SLC29A3: variants seen among roughly 807,000 people sequenced by gnomAD.
The protein encoded by SLC29A3 is equilibrative nucleoside transporter 3.
In SLC29A3, 18 loss-of-function variants were observed where a neutral mutation model predicts 25.4. The ratio of observed to expected loss-of-function variants is 0.71; its 90% CI spans 0.49 to 1.05. The LOEUF (loss-of-function observed/expected upper bound fraction) is 1.05, where lower values mean the gene tolerates loss of function less well. SLC29A3 is among the 50% of genes least tolerant of loss of function. The pLI, the probability that SLC29A3 is intolerant of heterozygous loss-of-function variation, is 0.00. For synonymous variants in SLC29A3, 258 were observed against 267.1 expected, an observed-to-expected ratio of 0.97 and a Z score of 0.33; for missense variants, 586 against 609.0, an observed-to-expected ratio of 0.96 and a Z score of 0.40.
chr10:71,339,904 C>T (rs535647478), intron 2 of SLC29A3, among the ~76,000 whole-genome samples: 4 of 152,232 alleles, frequency 2.6e-5, no homozygotes, highest in African/African-American at 4.8e-5. Flanking sequence ...TCCAGGCTTG[C>T]GTCCACCTCC....
intron 5 of SLC29A3, among the ~76,000 whole-genome samples, chr10:71,359,233 T>C (rs1415595756): frequency 6.6e-6 from 1 of 152,166 alleles, no homozygotes; most frequent in Non-Finnish European, 1.5e-5. Flanking sequence ...GTTTCTTTGC[T>C]GATTAAAACT....
At chr10:71,341,274 C>A (rs747474105) in intron 2 of SLC29A3, among the ~76,000 whole-genome samples, 1 of 152,178 alleles carries the variant, frequency 6.6e-6, no homozygotes, top group Non-Finnish European at 1.5e-5. Context: ...ACCATGGGAC[C>A]AATGGCTGTG....
chr10:71,343,574 C>T (rs1400528336), intron 2 of SLC29A3, among the ~76,000 whole-genome samples: 2 of 152,308 alleles, frequency 1.3e-5, no homozygotes, highest in South Asian at 2.1e-4. Context: ...AGAGTGAGAA[C>T]AGAGTTTCCC....
intron 2 of SLC29A3, among the ~76,000 whole-genome samples, chr10:71,339,380 G>A (rs73280021): frequency 0.037 from 5,610 of 152,284 alleles, 347 homozygotes; most frequent in African/African-American, 0.13. Flanking sequence ...TCATTGCAGG[G>A]TGCAGATAAC....
At chr10:71,331,097 C>G (rs1846107510) in intron 2 of SLC29A3, among the ~76,000 whole-genome samples, 1 of 152,024 alleles carries the variant, frequency 6.6e-6, no homozygotes, top group Non-Finnish European at 1.5e-5. Context: ...ATATTTGTGT[C>G]TATAATGCAA....
intron 2 of SLC29A3, among the ~76,000 whole-genome samples, chr10:71,337,422 T>C (rs562637442): frequency 6.6e-6 from 1 of 152,370 alleles, no homozygotes; most frequent in Non-Finnish European, 1.5e-5. Context: ...CAAACTATTC[T>C]TGGCTCCAAC....
intron 3 of SLC29A3, among the ~76,000 whole-genome samples, chr10:71,344,941 G>A (rs904318394): frequency 2.6e-5 from 4 of 152,358 alleles, no homozygotes; most frequent in African/African-American, 9.6e-5. Flanking sequence ...AACCTGGGCT[G>A]CTGTTCGCCA....
intron 1 of SLC29A3, among the ~76,000 whole-genome samples, chr10:71,322,331 G>A (rs1396215681): frequency 1.3e-5 from 2 of 152,142 alleles, no homozygotes; most frequent in Non-Finnish European, 2.9e-5. Context: ...AATCGAAAAG[G>A]GTTTAGAGAT....
chr10:71,330,023 T>C lies in SLC29A3; in HGVS notation c.300+6969T>C, dbSNP rs77879151. On this transcript the variant is annotated intron_variant, in intron 2 of 5. Coordinates refer to ENST00000373189, the MANE Select transcript of SLC29A3 (RefSeq NM_018344.6). ...TTCCTCATGGGACTCCCTACAAATG[T>C]AGGTGGTTGGAGGGTTCGGTGCTTG... 9.5e-3 allele frequency among the ~76,000 whole-genome samples: 1,453 copies of C among 152,258 alleles called. 8 individuals carry two copies. Among genetic ancestry groups the C allele is most frequent in the Middle Eastern group, 0.068 (20 of 294 alleles).
In SLC29A3 at chr10:71,342,158, A is replaced by T. The variant is rs78956996; in HGVS notation, c.301-2051A>T. Among the ~76,000 whole-genome samples, 534 of 152,302 alleles carry T rather than the reference A, an allele frequency of 3.5e-3. 2 individuals carry two copies. Among genetic ancestry groups the T allele is most frequent in the Non-Finnish European group, 6.1e-3 (418 of 68,028 alleles). The stretch of plus-strand genomic sequence containing the variant: ...ACGGGCCACCTTAGAGTCTGCCACC[A>T]CACCTCATTTTAGAACTTTTCCTAT... On this transcript the variant is annotated intron_variant, in intron 2 of 5. Transcript: ENST00000373189.
intron 2 of SLC29A3, among the ~76,000 whole-genome samples, chr10:71,326,999 C>T (rs1845987466): frequency 1.3e-5 from 2 of 152,208 alleles, no homozygotes; most frequent in Admixed American, 6.5e-5. Flanking sequence ...CCTGATTTCC[C>T]TGTGAGAGGC....
Position 71,322,823 on chromosome 10 carries a change from T to C in SLC29A3, c.69T>C (p.Ser23=). ...SNSTYRTTSS[S]LRADQEALLE... The stretch of plus-strand genomic sequence containing the variant: ...CCACCTACAGAACCACAAGCAGCAG[T>C]CTCCGAGCTGACCAGGAGGCACTGC... The change falls in exon 2 of 6, where the codon AGT becomes AGC. Residue 23 remains serine (S), a synonymous_variant. Transcript: ENST00000373189. The C allele has an allele frequency of 6.2e-7, 1 of 1,614,178 alleles. No individual in the cohort carries two copies. The highest frequency in any genetic ancestry group is 2.2e-5 in the East Asian group (1 of 44,880).
downstream of SLC29A3, among the ~76,000 whole-genome samples, chr10:71,363,995 G>C (rs146452764): frequency 1.9e-4 from 29 of 151,982 alleles, no homozygotes; most frequent in African/African-American, 6.3e-4. Flanking sequence ...GTGGGGAGGG[G>C]AGGGAGTCCT....
In SLC29A3 at chr10:71,361,983, A is replaced by C; in HGVS notation, c.803A>C (p.His268Pro). 6.2e-7 allele frequency: 1 copy of C among 1,613,996 alleles called. No individual in the cohort carries two copies. The highest frequency in any genetic ancestry group is 8.5e-7 in the Non-Finnish European group (1 of 1,180,002). ...RYYMRPVLAA[H>P]VFSGEEELPQ... ...TACATGAGGCCTGTTCTTGCGGCCCATGTGTTTTCTGGTGAAGAGGAGCTT... is the reference window on the plus strand; with the variant it reads ...TACATGAGGCCTGTTCTTGCGGCCCCTGTGTTTTCTGGTGAAGAGGAGCTT... The change falls in exon 6 of 6, where the codon CAT becomes CCT. Residue 268 changes from histidine (H) to proline (P), a missense_variant. Coordinates refer to ENST00000373189, the MANE Select transcript of SLC29A3 (RefSeq NM_018344.6).
At chr10:71,379,589 T>A (rs112515617) in intron 4 of SLC29A3, among the ~76,000 whole-genome samples, 3,150 of 152,336 alleles carry the variant, frequency 0.021, 56 homozygotes, top group African/African-American at 0.043. Flanking sequence ...ATAGGCTCTT[T>A]GTTCTTCTCT....
chr10:71,355,671 G>A (rs1477906643), intron 4 of SLC29A3, among the ~76,000 whole-genome samples: 1 of 152,166 alleles, frequency 6.6e-6, no homozygotes, highest in Admixed American at 6.5e-5. Context: ...TGGGCCGGGG[G>A]CAGAGAAGAG....
rs1847087040 is a variant in SLC29A3 at position 71,362,396 on chromosome 10, A to G, written c.1216A>G (p.Thr406Ala). Residue 406 changes from threonine to alanine, a missense_variant, in exon 6 of 6, where the codon ACT becomes GCT. Thr to Ala is a moderately conservative substitution (Grantham distance 58). Coordinates refer to ENST00000373189, the MANE Select transcript of SLC29A3 (RefSeq NM_018344.6). Reference protein sequence around the residue: ...CNYQPRVHLKTVVFQSDVYPA... With the variant: ...CNYQPRVHLKAVVFQSDVYPA... ...CTACCAGCCCCGCGTCCACCTGAAG[A>G]CTGTGGTCTTCCAGTCCGATGTGTA... 3 of 1,613,866 alleles carry G rather than the reference A, an allele frequency of 1.9e-6. No individual in the cohort carries two copies. The highest frequency in any genetic ancestry group is 2.7e-5 in the African/African-American group (2 of 74,850).
In SLC29A3 at chr10:71,351,892, A is replaced by C. The variant is rs566192823; in HGVS notation, c.610+104A>C. 6.2e-6 allele frequency: 6 copies of C among 969,948 alleles called. No individual in the cohort carries two copies. In the East Asian group the frequency reaches 1.3e-4, roughly 21 times the overall value. The allele number at this position is 969,948 out of a possible 1,614,324, so 60.1% of individuals were successfully genotyped here. A position where few individuals can be genotyped will look rare whatever the true frequency, so the allele number is the denominator to read the frequency against. ...TGGCCTTTTCTGAAAAGGAAATGGC[A>C]TGGGTGCTGATTGTGTTTCAGTCAT... On this transcript the variant is annotated intron_variant, in intron 4 of 5. Coordinates refer to ENST00000373189, the MANE Select transcript of SLC29A3 (RefSeq NM_018344.6).
At chr10:71,323,173 C>A in intron 2 of SLC29A3, 119 bp downstream of exon 2, 1 of 1,354,966 alleles carries the variant, frequency 7.4e-7, no homozygotes, top group Non-Finnish European at 1.0e-6. Context: ...TACTGTTTAG[C>A]TTGGGAAGAA....
Sources: gnomAD v4.1 joint callset for allele counts (sites outside exome capture counted in the v4.1 genomes callset) on GRCh38, gnomAD v4.1.1 for gene constraint, MANE v1.5 for transcripts, NCBI Gene and HGNC (gene_info 2026-07-23, HGNC 2026-07-21) for gene names.